Variants in C2CD2L observed in about 807,000 individuals in gnomAD.
The protein encoded by C2CD2L is phospholipid transfer protein C2CD2L.
In C2CD2L, 24 loss-of-function variants were observed where a neutral mutation model predicts 69.9. That is an observed-to-expected ratio of 0.34 (90% CI 0.25 to 0.48). C2CD2L has a LOEUF of 0.48. C2CD2L is among the 20% of genes least tolerant of loss of function. The pLI is 0.99. For synonymous variants in C2CD2L, 367 were observed against 391.0 expected, an observed-to-expected ratio of 0.94 and a Z score of 0.72; for missense variants, 811 against 941.5, an observed-to-expected ratio of 0.86 and a Z score of 1.81.
rs769222382 is a variant in C2CD2L, at chr11:119,107,695, C to A, written c.-47C>A. 1.6e-6 allele frequency: 2 copies of A among 1,257,132 alleles called. No homozygotes were observed. The highest frequency in any genetic ancestry group is 2.1e-6 in the Non-Finnish European group (2 of 962,276). 77.9% of individuals were successfully genotyped at this position (1,257,132 alleles called of 1,614,324 possible). ...CCGCCCGGGCCATGCTCCCCCGGGG[C>A]AGCGGGTGAGCCCCAGCCGGGACCG... On this transcript the variant is annotated 5_prime_UTR_variant, in exon 1 of 14. Coordinates refer to ENST00000648610, the MANE Select transcript of C2CD2L (RefSeq NM_001290474.2). This position sits in a 1 kb window ranked among gnomAD's most constrained non-coding sequence, Gnocchi z 5.4.
chr11:119,111,009 G>A (rs745321977), intron 4 of C2CD2L, 43 bp from the exon 5 acceptor site: 3 of 1,613,402 alleles, frequency 1.9e-6, no homozygotes, highest in Non-Finnish European at 8.5e-7. Context: ...GGAGGCAGAG[G>A]TGGGGGATCC....
rs1384225867 is a variant in C2CD2L at position 119,117,461 on chromosome 11, A to C, written c.*1205A>C. 1.3e-5 allele frequency: 2 copies of C among 152,208 alleles called. No homozygotes were observed. Among genetic ancestry groups the C allele is most frequent in the Non-Finnish European group, 2.9e-5 (2 of 68,040 alleles). The allele number at this position is 152,208 out of a possible 1,614,324, so 9.4% of individuals were successfully genotyped here. A position where few individuals can be genotyped will look rare whatever the true frequency, so the allele number is the denominator to read the frequency against. On this transcript the variant is annotated 3_prime_UTR_variant, in exon 14 of 14. Transcript: ENST00000648610. ...CCTGGGTTTGAGTCCCAGCTCTTCT[A>C]ATTACTTGTGTGACCTTGGGCAAGT...
chr11:119,111,012 G>A (rs897645909), intron 4 of C2CD2L, 40 bp from the exon 5 acceptor site: 11 of 1,612,968 alleles, frequency 6.8e-6, no homozygotes, highest in Admixed American at 3.3e-5. Context: ...GGCAGAGGTG[G>A]GGGATCCACC....
chr11:119,113,274 C>T, intron 10 of C2CD2L: 1 of 387,174 alleles, frequency 2.6e-6, no homozygotes, highest in Non-Finnish European at 4.7e-6. Context: ...GCATTTCTAC[C>T]CCACTCAGTG....
At chr11:119,105,788 AAAG>A (rs1186865798), upstream of C2CD2L, among the ~76,000 whole-genome samples, 1 of 152,216 alleles carries the variant, frequency 6.6e-6, no homozygotes, top group East Asian at 1.9e-4. Flanking sequence ...GGAATAAATC[AAAG>A]AAGTCAGAGA....
In C2CD2L at chr11:119,114,333, C is replaced by T. The variant is rs376567125; in HGVS notation, c.1877C>T (p.Ala626Val). ...GAGTCGGAAACGGGGTCCACTGGTG[C>T]CCTGGAGACCCGCAGCCTCAAGGAT... is the stretch of plus-strand genomic sequence containing the variant. ...DIESETGSTG[A>V]LETRSLKDHK... Residue 626 changes from alanine (A) to valine (V), a missense_variant, in exon 13 of 14, where the codon GCC becomes GTC. Ala to Val is a moderately conservative substitution (Grantham distance 64, BLOSUM62 0). Transcript: ENST00000648610. The surrounding 1 kb of genome is among the most constrained non-coding windows in gnomAD (Gnocchi z 5.1). 1.1e-5 allele frequency: 17 copies of T among 1,613,988 alleles called. No homozygotes were observed. In the Admixed American group the frequency reaches 1.5e-4, roughly 14 times the overall value.
At position 119,110,533 on chromosome 11, in the gene C2CD2L, C is replaced by T. The variant is rs1188909983; in HGVS notation, c.451-28C>T. 1.3e-6 allele frequency: 2 copies of T among 1,599,424 alleles called. No homozygotes were observed. Among genetic ancestry groups the T allele is most frequent in the Non-Finnish European group, 8.5e-7 (1 of 1,176,744 alleles). On this transcript the variant is annotated intron_variant, in intron 2 of 13. Transcript: ENST00000648610. This position sits in a 1 kb window ranked among gnomAD's most constrained non-coding sequence, Gnocchi z 5.7. ...CAAAGCAGGGTGAGCACCCTTCCCCCACATCTGACCCACCTCGCCGGTCTC... is the reference window on the plus strand; with the variant it reads ...CAAAGCAGGGTGAGCACCCTTCCCCTACATCTGACCCACCTCGCCGGTCTC...
In C2CD2L at chr11:119,113,955, G is replaced by A. The variant is rs1392579524; in HGVS notation, c.1590G>A (p.Lys530=). 2.5e-6 allele frequency: 4 copies of A among 1,614,180 alleles called. No homozygotes were observed. The highest frequency in any genetic ancestry group is 1.1e-5 in the South Asian group (1 of 91,090). ...SGRVAKKTPT[K]RSTLIISGVS... Reference sequence around the variant, plus strand: ...GGGTGGCCAAGAAGACACCCACCAAGCGCAGCACTCTCATCATCTCTGGTG... The same window carrying A: ...GGGTGGCCAAGAAGACACCCACCAAACGCAGCACTCTCATCATCTCTGGTG... Residue 530 remains lysine (K), a synonymous_variant, in exon 12 of 14, where the codon AAG becomes AAA. Coordinates refer to ENST00000648610, the MANE Select transcript of C2CD2L (RefSeq NM_001290474.2).
Sources: allele counts gnomAD v4.1 joint callset (sites outside exome capture counted in the v4.1 genomes callset), GRCh38; gene constraint gnomAD v4.1.1; non-coding constraint Gnocchi (gnomAD v3.1); transcripts MANE v1.5; gene names NCBI Gene and HGNC (gene_info 2026-07-23, HGNC 2026-07-21).